ADCY9: variants seen among roughly 807,000 people sequenced by gnomAD.
The protein encoded by ADCY9 is adenylate cyclase type 9.
Under a neutral mutation model 101.5 loss-of-function variants are expected in ADCY9, and 50 were observed. The observed-to-expected ratio is 0.49, with a 90% CI of 0.39 to 0.62. The LOEUF is 0.62. Among genes scored for constraint, ADCY9 ranks in the 20% least tolerant of loss-of-function variants. The pLI is 0.00. For missense variants in ADCY9, 1,662 were observed against 1,800.4 expected (o/e 0.92, Z 1.39); for synonymous variants, 905 against 769.3 (o/e 1.18, Z -2.92).
chr16:4,073,852 G>A (rs939251272), intron 2 of ADCY9, among the ~76,000 whole-genome samples: 3 of 152,150 alleles, frequency 2.0e-5, no homozygotes, highest in East Asian at 1.9e-4. Context: ...ACAAAGAAAC[G>A]AAGAGTTCCT....
chr16:4,053,160 C>T (rs969801179), intron 2 of ADCY9, among the ~76,000 whole-genome samples: 4 of 152,168 alleles, frequency 2.6e-5, no homozygotes, highest in Admixed American at 1.3e-4. Context: ...CATGCGCTTC[C>T]GGCCACGCAT....
At chr16:4,050,450 A>C (rs1474086931) in intron 2 of ADCY9, among the ~76,000 whole-genome samples, 2 of 152,186 alleles carry the variant, frequency 1.3e-5, no homozygotes, top group Admixed American at 6.5e-5. Context: ...GCGGTGGCTC[A>C]TGCCTGTAAT....
At chr16:4,098,040 A>C (rs1229031564) in intron 2 of ADCY9, among the ~76,000 whole-genome samples, 2 of 152,072 alleles carry the variant, frequency 1.3e-5, no homozygotes, top group Non-Finnish European at 2.9e-5. Context: ...GCAAGCTGGA[A>C]AAGAGAGTGG....
intron 6 of ADCY9, among the ~76,000 whole-genome samples, chr16:3,984,916 T>C (rs1171563592): frequency 1.3e-5 from 2 of 151,988 alleles, no homozygotes; most frequent in Non-Finnish European, 2.9e-5. Flanking sequence ...AGGAACTAGG[T>C]GGGAGGGCAG....
intron 3 of ADCY9, among the ~76,000 whole-genome samples, chr16:4,000,818 G>A (rs1185030377): frequency 6.6e-6 from 1 of 152,090 alleles, no homozygotes; most frequent in Non-Finnish European, 1.5e-5. Context: ...CTGTCAGGCA[G>A]GAAGACTGTT....
At chr16:4,008,282 G>A (rs957991480) in intron 2 of ADCY9, among the ~76,000 whole-genome samples, 4 of 152,032 alleles carry the variant, frequency 2.6e-5, no homozygotes, top group African/African-American at 4.8e-5. Context: ...GCTAACAGCC[G>A]GACCCACACT....
In ADCY9 at chr16:3,995,383, G is replaced by A. The variant is rs1052237881; in HGVS notation, c.1885-1873C>T. 7.9e-5 allele frequency among the ~76,000 whole-genome samples: 12 copies of A among 152,024 alleles called. No homozygotes were observed. The East Asian group carries it at 2.3e-3, about 29-fold the overall frequency. ...GTCAAGGCCGCAGTGAGCTTTGATG[G>A]TGCCACTGCACTCCAGCCTGGGGCA... On this transcript the variant is annotated intron_variant, in intron 3 of 10. Transcript: ENST00000294016.
At chr16:4,050,030 CAA>C (rs113915998) in intron 2 of ADCY9, among the ~76,000 whole-genome samples, 5 of 114,854 alleles carry the variant, frequency 4.4e-5, no homozygotes, top group African/African-American at 5.9e-5. Flanking sequence ...GACTGTGTCT[CAA>C]AAAAAAAAAA....
chr16:4,039,556 G>A (rs1479466272), intron 2 of ADCY9, among the ~76,000 whole-genome samples: 2 of 151,782 alleles, frequency 1.3e-5, no homozygotes, highest in Non-Finnish European at 2.9e-5. Flanking sequence ...GCATGTATCT[G>A]TAATCTCAAC....
At chr16:4,055,016 C>G (rs1041415460) in intron 2 of ADCY9, among the ~76,000 whole-genome samples, 1 of 152,156 alleles carries the variant, frequency 6.6e-6, no homozygotes, top group South Asian at 2.1e-4. Flanking sequence ...AATTCAACAA[C>G]ACACTCACAC....
chr16:4,110,728 G>A (rs375887693), intron 2 of ADCY9, among the ~76,000 whole-genome samples: 6 of 152,182 alleles, frequency 3.9e-5, no homozygotes, highest in African/African-American at 1.4e-4. Flanking sequence ...TAGAGTAAAG[G>A]TAGGCTTAGG....
At chr16:3,958,760 C>T (rs571245266), downstream of ADCY9, among the ~76,000 whole-genome samples, 1 of 149,096 alleles carries the variant, frequency 6.7e-6, no homozygotes, top group Non-Finnish European at 1.5e-5. Context: ...CAACCTCTGC[C>T]TCCTGGGTTC....
chr16:4,045,012 T>C (rs909667515), intron 2 of ADCY9, among the ~76,000 whole-genome samples: 16 of 152,228 alleles, frequency 1.1e-4, no homozygotes, highest in Non-Finnish European at 2.9e-5. Flanking sequence ...GAAATATTTA[T>C]TAATGCAAAC....
chr16:4,006,059 G>C (rs1348593474), intron 3 of ADCY9, among the ~76,000 whole-genome samples: 1 of 152,160 alleles, frequency 6.6e-6, no homozygotes, highest in Admixed American at 6.5e-5. Flanking sequence ...CATGTGCCAA[G>C]AGTACAGGGA....
intron 2 of ADCY9, among the ~76,000 whole-genome samples, chr16:4,057,817 G>A (rs531213565): frequency 9.2e-5 from 14 of 152,232 alleles, no homozygotes; most frequent in African/African-American, 3.1e-4. Flanking sequence ...TGCTGCAAGA[G>A]TTGCTCCCAG....
Position 3,983,212 on chromosome 16 carries a change from C to T in ADCY9, c.2519+20G>A. 4 of 1,542,754 alleles carry T rather than the reference C, an allele frequency of 2.6e-6. No homozygotes were observed. Among genetic ancestry groups the T allele is most frequent in the East Asian group, 4.9e-5 (2 of 40,826 alleles). ...GAGCTAACGGCTCAGAGCTGGAGAC[C>T]CAGTCCACGCGGCGCTTACCTGATG... On this transcript the variant is annotated intron_variant, in intron 7 of 10. Coordinates refer to ENST00000294016, the MANE Select transcript of ADCY9 (RefSeq NM_001116.4).
intron 2 of ADCY9, among the ~76,000 whole-genome samples, chr16:4,091,835 G>T (rs551979922): frequency 6.6e-6 from 1 of 152,342 alleles, no homozygotes; most frequent in African/African-American, 2.4e-5. Context: ...TGCTTAGTGG[G>T]TGTAGGGTTT....
intron 3 of ADCY9, among the ~76,000 whole-genome samples, chr16:3,999,699 C>A (rs927206767): frequency 6.6e-6 from 1 of 152,208 alleles, no homozygotes; most frequent in Non-Finnish European, 1.5e-5. Flanking sequence ...CCCTGGAGAA[C>A]GCCCAAGAGC....
chr16:3,969,491 G>A (rs1317441430), intron 10 of ADCY9, among the ~76,000 whole-genome samples: 2 of 137,422 alleles, frequency 1.5e-5, no homozygotes, highest in East Asian at 4.3e-4. Context: ...TGCCCGCCTC[G>A]ACCTCCCAAA....
Sources: gnomAD v4.1 joint callset for allele counts (sites outside exome capture counted in the v4.1 genomes callset) on GRCh38, gnomAD v4.1.1 for gene constraint, MANE v1.5 for transcripts, NCBI Gene and HGNC (gene_info 2026-07-23, HGNC 2026-07-21) for gene names.